MON2: variants seen among roughly 807,000 people sequenced by gnomAD.
The protein encoded by MON2 is MON2 regulator of endosome-to-Golgi trafficking, also known as protein MON2 homolog.
Under a neutral mutation model 208.6 loss-of-function variants are expected in MON2, and 84 were observed. The ratio of observed to expected loss-of-function variants is 0.40; its 90% CI spans 0.34 to 0.48. The LOEUF (loss-of-function observed/expected upper bound fraction) is 0.48. Among genes scored for constraint, MON2 ranks in the 20% least tolerant of loss-of-function variants. The pLI is 0.59. For missense variants in MON2, 1,611 were observed against 2,015.4 expected (o/e 0.80, Z 3.84); for synonymous variants, 660 against 694.0 (o/e 0.95, Z 0.77).
In MON2 at chr12:62,532,621, A is replaced by T. The variant is rs149178566; in HGVS notation, c.1584A>T (p.Thr528=). 1.2e-6 allele frequency: 2 copies of T among 1,614,002 alleles called. No homozygotes were observed. The highest frequency in any genetic ancestry group is 1.3e-5 in the African/African-American group (1 of 74,948). The change falls in exon 12 of 35, where the codon ACA becomes ACT. Residue 528 remains threonine, a synonymous_variant. Transcript: ENST00000393630. ...TEEGSSPTQS[T]EQQDLQSTSD... ...AAGGTTCTTCACCAACACAGTCGAC[A>T]GAACAGCAGGATTTACAGTCAACAT...
chr12:62,580,958 G>A lies in MON2; in HGVS notation c.4699+538G>A, dbSNP rs146068476. ...ATAAGATGCCTCAACATTTTTTAAG[G>A]GAATTAACATTTACTCAGTGCCAAC... On this transcript the variant is annotated intron_variant, in intron 32 of 34. Transcript: ENST00000393630. 2.0e-5 allele frequency among the ~76,000 whole-genome samples: 3 copies of A among 152,078 alleles called. No homozygotes were observed. The East Asian group carries it at 5.8e-4, about 29-fold the overall frequency.
chr12:62,535,737 C>A (rs746739686), intron 14 of MON2, 28 bp downstream of exon 14: 12 of 1,564,428 alleles, frequency 7.7e-6, no homozygotes, highest in Non-Finnish European at 8.7e-7. Flanking sequence ...AAAATTCTCT[C>A]TATGTAGTGG....
intron 23 of MON2, 127 bp from the exon 24 acceptor site, chr12:62,552,754 G>A (rs2073806986): frequency 1.5e-6 from 1 of 671,200 alleles, no homozygotes; most frequent in Non-Finnish European, 2.5e-6. Context: ...TATTCTACTA[G>A]GAAAGAGATT....
intron 21 of MON2, among the ~76,000 whole-genome samples, chr12:62,546,484 TG>T (rs1277493947): frequency 1.3e-5 from 2 of 152,222 alleles, no homozygotes. Flanking sequence ...ACGGGCATGG[TG>T]GCTCACACCT....
Position 62,537,587 on chromosome 12 carries a change from C to A in MON2, c.2014-15C>A. ...ACATAACAATTATTGAAAATGTATC[C>A]TTTTTAAAATATAGCTGACTTCCAA... On this transcript the variant is annotated splice_polypyrimidine_tract_variant and intron_variant, in intron 15 of 34. Transcript: ENST00000393630. 2 of 1,556,400 alleles carry A rather than the reference C, an allele frequency of 1.3e-6. No homozygotes were observed. Among genetic ancestry groups the A allele is most frequent in the South Asian group, 1.2e-5 (1 of 85,198 alleles).
intron 8 of MON2, 151 bp from the exon 9 acceptor site, chr12:62,524,364 T>C: frequency 1.7e-6 from 1 of 594,108 alleles, no homozygotes; most frequent in Non-Finnish European, 3.0e-6. Context: ...TACATTTCCT[T>C]TCTCTGTTTC....
At chr12:62,511,939 G>A (rs1192630143) in intron 8 of MON2, among the ~76,000 whole-genome samples, 1 of 152,166 alleles carries the variant, frequency 6.6e-6, no homozygotes, top group East Asian at 1.9e-4. Flanking sequence ...GGCTGAAGGT[G>A]AAAGGCACAT....
intron 8 of MON2, among the ~76,000 whole-genome samples, chr12:62,515,642 G>A (rs896680984): frequency 4.6e-5 from 7 of 151,984 alleles, no homozygotes; most frequent in African/African-American, 1.2e-4. Flanking sequence ...GTGAAACCCC[G>A]TCTCTACTAA....
In MON2 at chr12:62,485,087, T is replaced by G. The variant is rs1425416325; in HGVS notation, c.175+854T>G. Among the ~76,000 whole-genome samples the G allele has an allele frequency of 3.9e-5, 6 of 152,156 alleles. No individual in the cohort carries two copies. In the South Asian group the frequency reaches 6.2e-4, roughly 16 times the overall value. On this transcript the variant is annotated intron_variant, in intron 2 of 34. Transcript: ENST00000393630. ...CACAGGAAAGGTGATAGAACCAGATTAAAATCCAGGAGTGTTCAGGAGCCC... is the reference window on the plus strand; with the variant it reads ...CACAGGAAAGGTGATAGAACCAGATGAAAATCCAGGAGTGTTCAGGAGCCC...
intron 34 of MON2, among the ~76,000 whole-genome samples, chr12:62,591,412 A>G (rs540604748): frequency 6.6e-6 from 1 of 152,312 alleles, no homozygotes; most frequent in Admixed American, 6.5e-5. Flanking sequence ...TTTTTCCAAG[A>G]TATGTACTAA....
chr12:62,494,542 A>G (rs563790388), intron 3 of MON2, among the ~76,000 whole-genome samples: 11 of 152,198 alleles, frequency 7.2e-5, no homozygotes, highest in Non-Finnish European at 1.2e-4. Flanking sequence ...TAGAAGTGAT[A>G]AATGTTTTGA....
chr12:62,491,462 T>C (rs2070136487), intron 2 of MON2, among the ~76,000 whole-genome samples: 1 of 152,216 alleles, frequency 6.6e-6, no homozygotes. Context: ...TATGAAAGTA[T>C]ATCTTCTTTT....
chr12:62,537,050 T>C, intron 14 of MON2, 101 bp from the exon 15 acceptor site: 1 of 629,820 alleles, frequency 1.6e-6, no homozygotes, highest in Non-Finnish European at 2.6e-6. Flanking sequence ...TTTAAATAAG[T>C]GTATGGCTAA....
rs753912383 is a variant in MON2 at position 62,547,043 on chromosome 12, A to G, written c.2724A>G (p.Gly908=). The G allele has an allele frequency of 6.3e-7, 1 of 1,597,426 alleles. No individual in the cohort carries two copies. Among genetic ancestry groups the G allele is most frequent in the Non-Finnish European group, 8.5e-7 (1 of 1,170,524 alleles). ...GGCCTGGATGGCCATTAGTGCTTGG[A>G]GTCATGGGAGCAATCAGAAATGATC... ...SLGPGWPLVL[G]VMGAIRNDQG... Residue 908 remains glycine (G), a synonymous_variant, in exon 22 of 35, where the codon GGA becomes GGG. Coordinates refer to ENST00000393630, the MANE Select transcript of MON2 (RefSeq NM_015026.3).
At chr12:62,517,477 A>C (rs1432253486) in intron 8 of MON2, among the ~76,000 whole-genome samples, 1 of 152,076 alleles carries the variant, frequency 6.6e-6, no homozygotes, top group African/African-American at 2.4e-5. Flanking sequence ...ACATGACAGT[A>C]TTTGGATATG....
intron 14 of MON2, among the ~76,000 whole-genome samples, chr12:62,536,820 C>T (rs2072999167): frequency 6.6e-6 from 1 of 151,788 alleles, no homozygotes; most frequent in African/African-American, 2.4e-5. Flanking sequence ...TCCTGAGTAG[C>T]TGAGACTACA....
At chr12:62,536,006 A>G (rs2072950257) in intron 14 of MON2, among the ~76,000 whole-genome samples, 1 of 152,194 alleles carries the variant, frequency 6.6e-6, no homozygotes, top group African/African-American at 2.4e-5. Flanking sequence ...TATAATGCAA[A>G]CATAAGTATT....
rs563842302 is a variant in MON2, at chr12:62,516,111, C to T, written c.984+7631C>T. Among the ~76,000 whole-genome samples the T allele has an allele frequency of 6.6e-5, 10 of 152,242 alleles. No homozygotes were observed. In the South Asian group the frequency reaches 2.1e-3, roughly 32 times the overall value. Reference sequence around the variant, plus strand: ...CATAAAAAGAAAAGTGAGATCCTGTCATTTGCAACAATATGGATGGAACTG... The same window carrying T: ...CATAAAAAGAAAAGTGAGATCCTGTTATTTGCAACAATATGGATGGAACTG... On this transcript the variant is annotated intron_variant, in intron 8 of 34. Coordinates refer to ENST00000393630, the MANE Select transcript of MON2 (RefSeq NM_015026.3).
At chr12:62,511,947 C>T (rs373214181) in intron 8 of MON2, among the ~76,000 whole-genome samples, 21 of 152,138 alleles carry the variant, frequency 1.4e-4, no homozygotes, top group East Asian at 5.8e-4. Flanking sequence ...GTGAAAGGCA[C>T]ATCTCACATG....
Sources: allele counts gnomAD v4.1 joint callset (sites outside exome capture counted in the v4.1 genomes callset), GRCh38; gene constraint gnomAD v4.1.1; transcripts MANE v1.5; gene names NCBI Gene and HGNC (gene_info 2026-07-23, HGNC 2026-07-21).